Variants in MINDY4 observed in about 807,000 individuals in gnomAD.
MINDY4 encodes the protein probable ubiquitin carboxyl-terminal hydrolase MINDY-4.
A neutral mutation model predicts 87.0 loss-of-function variants in MINDY4; 68 were observed. The ratio of observed to expected loss-of-function variants is 0.78; its 90% confidence interval spans 0.64 to 0.96. The LOEUF is 0.96. Ranked by LOEUF, MINDY4 falls within the 40% of genes least tolerant of loss-of-function variation. The pLI, the probability that MINDY4 is intolerant of heterozygous loss-of-function variation, is 0.00. For synonymous variants in MINDY4, 379 were observed against 363.2 expected (o/e 1.04, Z -0.50); for missense variants, 919 against 928.2 (o/e 0.99, Z 0.13).
chr7:30,812,471 G>A (rs955593506), intron 5 of MINDY4, among the ~76,000 whole-genome samples: 10 of 152,092 alleles, frequency 6.6e-5, no homozygotes, highest in African/African-American at 2.4e-4. Context: ...TAGCTAATAG[G>A]ATCTATCTCT....
At position 30,859,310 on chromosome 7, in the gene MINDY4, C is replaced by T. The variant is rs769787419; in HGVS notation, c.1731C>T (p.Ser577=). 12 of 1,614,086 alleles carry T rather than the reference C, an allele frequency of 7.4e-6. No individual in the cohort carries two copies. In the South Asian group the frequency reaches 1.1e-4, roughly 15 times the overall value. The part of the protein sequence containing the change: ...CILLTLSAIL[S]RSTELIRQDF... Reference sequence around the variant, plus strand: ...TGCTCACCCTTTCTGCCATCCTGTCCAGGTCTACAGAGCTGTGAGTATCTT... The same window carrying T: ...TGCTCACCCTTTCTGCCATCCTGTCTAGGTCTACAGAGCTGTGAGTATCTT... Residue 577 remains serine, a synonymous_variant, in exon 13 of 18, where the codon TCC becomes TCT. Coordinates refer to ENST00000265299, the MANE Select transcript of MINDY4 (RefSeq NM_032222.3).
At chr7:30,818,582 CTT>C (rs1224391571) in intron 5 of MINDY4, among the ~76,000 whole-genome samples, 2 of 152,284 alleles carry the variant, frequency 1.3e-5, no homozygotes, top group African/African-American at 2.4e-5. Flanking sequence ...CCTGCACAGA[CTT>C]TTAGTGTGTC....
intron 5 of MINDY4, among the ~76,000 whole-genome samples, chr7:30,797,524 T>C (rs1787525289): frequency 6.6e-6 from 1 of 152,116 alleles, no homozygotes; most frequent in Non-Finnish European, 1.5e-5. Context: ...GCACAGGCCC[T>C]GCAGTGGGAG....
At chr7:30,873,163 C>A (rs1367780980) in intron 14 of MINDY4, among the ~76,000 whole-genome samples, 2 of 152,202 alleles carry the variant, frequency 1.3e-5, no homozygotes, top group African/African-American at 2.4e-5. Context: ...CACAGAGGGA[C>A]CGTGGGGTTG....
At chr7:30,875,909 C>T (rs564814891) in intron 15 of MINDY4, among the ~76,000 whole-genome samples, 3 of 152,284 alleles carry the variant, frequency 2.0e-5, no homozygotes, top group South Asian at 4.1e-4. Context: ...GGATTTCTGC[C>T]GTGATTGTGG....
chr7:30,869,373 G>A (rs1790033560), intron 13 of MINDY4, among the ~76,000 whole-genome samples: 1 of 152,228 alleles, frequency 6.6e-6, no homozygotes, highest in Admixed American at 6.5e-5. Flanking sequence ...GCTTCTGCCT[G>A]TAGTATTGCA....
chr7:30,883,064 C>T (rs763505776), intron 17 of MINDY4, 71 bp downstream of exon 17: 26 of 1,452,008 alleles, frequency 1.8e-5, no homozygotes, highest in Non-Finnish European at 2.5e-5. Context: ...TGGGGGTGGT[C>T]AGGCCTGCAG....
intron 13 of MINDY4, 21 bp from the exon 14 acceptor site, chr7:30,872,222 A>C: frequency 1.2e-6 from 2 of 1,613,762 alleles, no homozygotes; most frequent in Non-Finnish European, 1.7e-6. Context: ...CTGTGCTAAC[A>C]ATGCTTCTTG....
chr7:30,791,091 A>G, intron 4 of MINDY4, 74 bp from the exon 5 acceptor site: 2 of 1,389,838 alleles, frequency 1.4e-6, no homozygotes, highest in East Asian at 2.3e-5. Context: ...TCATGGGCAA[A>G]TGCTTGAAGT....
intron 1 of MINDY4, among the ~76,000 whole-genome samples, chr7:30,774,195 T>C (rs934786937): frequency 1.2e-4 from 18 of 152,208 alleles, no homozygotes; most frequent in African/African-American, 2.4e-5. Flanking sequence ...ACCCTGAAGC[T>C]CCTTCCCCAT....
chr7:30,820,930 A>G (rs150542158), intron 5 of MINDY4, among the ~76,000 whole-genome samples: 26 of 152,206 alleles, frequency 1.7e-4, no homozygotes, highest in Non-Finnish European at 2.8e-4. Context: ...CCACAGTGGC[A>G]CTTACTTGTG....
At chr7:30,776,125 C>T (rs1222670090) in intron 1 of MINDY4, among the ~76,000 whole-genome samples, 2 of 152,112 alleles carry the variant, frequency 1.3e-5, no homozygotes, top group Non-Finnish European at 2.9e-5. Flanking sequence ...CCTTAATCTC[C>T]TGCCTCCTAC....
At chr7:30,859,353 G>C (rs1554283796) in intron 13 of MINDY4, 29 bp downstream of exon 13, 27 of 1,606,952 alleles carry the variant, frequency 1.7e-5, no homozygotes, top group Non-Finnish European at 2.1e-5. Flanking sequence ...CAACTCCCTG[G>C]GGCTGGGCTG....
intron 5 of MINDY4, among the ~76,000 whole-genome samples, chr7:30,813,422 C>T (rs1788064581): frequency 2.0e-5 from 3 of 152,182 alleles, no homozygotes; most frequent in Non-Finnish European, 4.4e-5. Flanking sequence ...TCAGTACAGC[C>T]TTTCCACCGT....
At chr7:30,786,685 A>T (rs1228116865) in intron 4 of MINDY4, 1 of 151,884 alleles carries the variant, frequency 6.6e-6, no homozygotes, top group East Asian at 1.9e-4. Flanking sequence ...TCTAAAACAC[A>T]ATAGTCAAAA....
chr7:30,791,450 G>C lies in MINDY4; in HGVS notation c.949G>C (p.Asp317His), dbSNP rs757734675. 2 of 1,614,118 alleles carry C rather than the reference G, an allele frequency of 1.2e-6. No individual in the cohort carries two copies. Among genetic ancestry groups the C allele is most frequent in the East Asian group, 4.5e-5 (2 of 44,842 alleles). ...RDPSEDTPAVDGSTDTDRMPL... is the reference protein window; with the variant it reads ...RDPSEDTPAVHGSTDTDRMPL... ...TCCCTCCGAGGACACCCCAGCAGTG[G>C]ACGGCAGCACAGACACGGACAGGAT... The change falls in exon 5 of 18, where the codon GAC (aspartate) becomes CAC (histidine). Residue 317 changes from aspartate to histidine, a missense_variant. Asp to His is a moderately conservative substitution (Grantham distance 81). Coordinates refer to ENST00000265299, the MANE Select transcript of MINDY4 (RefSeq NM_032222.3).
chr7:30,880,302 A>ACCC (rs113190113), intron 15 of MINDY4, among the ~76,000 whole-genome samples: 2 of 72,024 alleles, frequency 2.8e-5, no homozygotes, highest in African/African-American at 4.1e-5. Flanking sequence ...CCTCCCCCGC[A>ACCC]CCCCCCCCCA....
chr7:30,793,856 T>C (rs1787396987), intron 5 of MINDY4, among the ~76,000 whole-genome samples: 1 of 152,200 alleles, frequency 6.6e-6, no homozygotes, highest in Non-Finnish European at 1.5e-5. Flanking sequence ...AGGGGAAGAA[T>C]GGCCAGGTGG....
intron 9 of MINDY4, among the ~76,000 whole-genome samples, chr7:30,844,750 C>A (rs1165673187): frequency 6.6e-6 from 1 of 152,134 alleles, no homozygotes; most frequent in African/African-American, 2.4e-5. Context: ...CTCAGCCACC[C>A]TGGGAGAGGG....
Sources: allele counts gnomAD v4.1 joint callset (sites outside exome capture counted in the v4.1 genomes callset), GRCh38; gene constraint gnomAD v4.1.1; transcripts MANE v1.5; gene names NCBI Gene and HGNC (gene_info 2026-07-23, HGNC 2026-07-21).